The following IKZF5 variants were observed in gnomAD, a reference collection of about 807,000 sequenced individuals.
IKZF5 encodes IKAROS family zinc finger 5, also known as zinc finger protein Pegasus.
IKZF5 carries 4 observed loss-of-function variants against 30.7 expected under a neutral mutation model. The observed-to-expected ratio is 0.13, with a 90% CI of 0.06 to 0.30. IKZF5 has a LOEUF of 0.30. Among genes scored for constraint, IKZF5 ranks in the 10% least tolerant of loss-of-function variants. The pLI is 1.00. For missense variants in IKZF5, 348 were observed against 525.5 expected (o/e 0.66, Z 3.30); for synonymous variants, 148 against 179.6 (o/e 0.82, Z 1.41).
At chr10:123,003,806 G>C (rs184032634) in intron 2 of IKZF5, among the ~76,000 whole-genome samples, 2 of 152,138 alleles carry the variant, frequency 1.3e-5, no homozygotes, top group African/African-American at 2.4e-5. Context: ...TTCCACCTTA[G>C]TCTCAAGTAA....
In IKZF5 at chr10:122,993,747, C is replaced by A; in HGVS notation, c.*33G>T. On this transcript the variant is annotated 3_prime_UTR_variant, in exon 5 of 5. Transcript: ENST00000368886. ...AACAAAAAAAACCAAACCACAAAAACAGCAAAACTAAGTAAAATATGACTA... is the reference window on the plus strand; with the variant it reads ...AACAAAAAAAACCAAACCACAAAAAAAGCAAAACTAAGTAAAATATGACTA... 6.7e-7 allele frequency: 1 copy of A among 1,487,452 alleles called. No homozygotes were observed. Among genetic ancestry groups the A allele is most frequent in the Non-Finnish European group, 9.1e-7 (1 of 1,099,712 alleles). 92.1% of individuals were successfully genotyped at this position (1,487,452 alleles called of 1,614,324 possible). A position where few individuals can be genotyped will look rare whatever the true frequency, so the allele number is the denominator to read the frequency against.
At position 123,008,790 on chromosome 10, in the gene IKZF5, T is replaced by C; in HGVS notation, c.-294A>G. 1 of 612,432 alleles carries C rather than the reference T, an allele frequency of 1.6e-6. No homozygotes were observed. Among genetic ancestry groups the C allele is most frequent in the African/African-American group, 1.8e-5 (1 of 54,344 alleles). 37.9% of individuals were successfully genotyped at this position (612,432 alleles called of 1,614,324 possible). A position where few individuals can be genotyped will look rare whatever the true frequency, so the allele number is the denominator to read the frequency against. On this transcript the variant is annotated 5_prime_UTR_variant, in exon 1 of 5. Transcript: ENST00000368886. ...CCGTCACAGTCGCCGCCGCCATCTT[T>C]GTTGTGTCTCCGACTCCCTTCCCGC...
chr10:122,996,176 G>C lies in IKZF5; in HGVS notation c.134C>G (p.Ala45Gly). 4 of 1,611,148 alleles carry C rather than the reference G, an allele frequency of 2.5e-6. No individual in the cohort carries two copies. The highest frequency in any genetic ancestry group is 3.4e-6 in the Non-Finnish European group (4 of 1,178,908). ...TCCATTTTGATCACCATCTGTTCCA[G>C]CTATAAACAAAGTACCGCAAAAGAA... ...GDKEAEALQGAGTDGDQNGLD... is the reference protein window; with the variant it reads ...GDKEAEALQGGGTDGDQNGLD... The change falls in exon 4 of 5, where the codon GCT becomes GGT. Residue 45 changes from alanine to glycine, a missense_variant and splice_region_variant. Around this residue, in one of 4 missense-constraint regions of IKZF5, gnomAD observed 80 missense variants for 93.2 expected, o/e 0.86. Transcript: ENST00000368886.
At chr10:123,004,001 T>C (rs1321817913) in intron 2 of IKZF5, among the ~76,000 whole-genome samples, 2 of 152,222 alleles carry the variant, frequency 1.3e-5, no homozygotes, top group Non-Finnish European at 2.9e-5. Context: ...ATCATGTTTA[T>C]TTGAACTAGT....
At chr10:122,999,894 G>T (rs1046327320) in intron 2 of IKZF5, among the ~76,000 whole-genome samples, 2 of 152,012 alleles carry the variant, frequency 1.3e-5, no homozygotes, top group African/African-American at 4.8e-5. Flanking sequence ...TTTTCTTCCA[G>T]GAAAAACAAT....
chr10:123,007,122 T>G lies in IKZF5; in HGVS notation c.-143A>C, dbSNP rs1362700784. The G allele has an allele frequency of 6.6e-6, 1 of 152,166 alleles. No homozygotes were observed. The highest frequency in any genetic ancestry group is 2.4e-5 in the African/African-American group (1 of 41,424). 9.4% of individuals were successfully genotyped at this position (152,166 alleles called of 1,614,324 possible). On this transcript the variant is annotated 5_prime_UTR_variant, in exon 2 of 5. Transcript: ENST00000368886. ...TTACTTCGGAGATACAGCAAGGGACTCCAAAAGGCCATGGAGAGAGAATTT... is the reference window on the plus strand; with the variant it reads ...TTACTTCGGAGATACAGCAAGGGACGCCAAAAGGCCATGGAGAGAGAATTT...
In IKZF5 at chr10:122,992,584, T is replaced by C. The variant is rs1246081496; in HGVS notation, c.*1196A>G. The C allele has an allele frequency of 1.3e-5, 2 of 152,208 alleles. No homozygotes were observed. Among genetic ancestry groups the C allele is most frequent in the Non-Finnish European group, 2.9e-5 (2 of 68,018 alleles). 9.4% of individuals were successfully genotyped at this position (152,208 alleles called of 1,614,324 possible). On this transcript the variant is annotated 3_prime_UTR_variant, in exon 5 of 5. Coordinates refer to ENST00000368886, the MANE Select transcript of IKZF5 (RefSeq NM_001372123.1). ...GTCTTATTTTTATAAACAAATTAAA[T>C]GTCATGTTTAGATGCATTTTATATT...
chr10:123,005,804 C>A (rs1252743534), intron 2 of IKZF5, among the ~76,000 whole-genome samples: 1 of 152,172 alleles, frequency 6.6e-6, no homozygotes, highest in Non-Finnish European at 1.5e-5. Context: ...TCTGCTGGCA[C>A]CTTCATATTA....
chr10:123,002,202 TA>T (rs1307047892), intron 2 of IKZF5, among the ~76,000 whole-genome samples: 1 of 152,174 alleles, frequency 6.6e-6, no homozygotes, highest in Non-Finnish European at 1.5e-5. Context: ...TTTTAGAAGC[TA>T]CGGTAGTTCT....
At chr10:122,995,460 C>A (rs1387213995) in intron 4 of IKZF5, among the ~76,000 whole-genome samples, 1 of 151,834 alleles carries the variant, frequency 6.6e-6, no homozygotes, top group Non-Finnish European at 1.5e-5. Context: ...CCTCAAGAGG[C>A]TCTCAGGCTA....
intron 4 of IKZF5, 45 bp downstream of exon 4, chr10:122,995,949 C>G: frequency 2.5e-6 from 4 of 1,597,018 alleles, no homozygotes; most frequent in Non-Finnish European, 3.4e-6. Context: ...CTTGGCCCCT[C>G]TCCTGCCCTC....
chr10:122,994,824 A>C lies in IKZF5; in HGVS notation c.317-101T>G. 1.1e-6 allele frequency: 1 copy of C among 936,002 alleles called. No individual in the cohort carries two copies. The highest frequency in any genetic ancestry group is 1.6e-6 in the Non-Finnish European group (1 of 622,970). The allele number at this position is 936,002 out of a possible 1,614,324, so 58.0% of individuals were successfully genotyped here. A position where few individuals can be genotyped will look rare whatever the true frequency, so the allele number is the denominator to read the frequency against. ...GACAACTGGAAATTGATCAAAAAGA[A>C]AATGCTTTCAGAAAGTCATATTTGC... On this transcript the variant is annotated intron_variant, in intron 4 of 4. Transcript: ENST00000368886. This position sits in a 1 kb window ranked among gnomAD's most constrained non-coding sequence, Gnocchi z 5.6.
intron 4 of IKZF5, 96 bp downstream of exon 4, chr10:122,995,898 T>C: frequency 8.7e-7 from 1 of 1,155,552 alleles, no homozygotes. Flanking sequence ...CCTTCATTTT[T>C]GAATATTAAA....
rs182750862 is a variant in IKZF5 at position 122,992,492 on chromosome 10, C to G, written c.*1288G>C. ...GTTTGACCAAGCTCTCTTCAGAGTA[C>G]GTGAGTTATTACACAATATAAAAAC... On this transcript the variant is annotated 3_prime_UTR_variant, in exon 5 of 5. Coordinates refer to ENST00000368886, the MANE Select transcript of IKZF5 (RefSeq NM_001372123.1). The G allele has an allele frequency of 6.6e-5, 10 of 152,136 alleles. No homozygotes were observed. The highest frequency in any genetic ancestry group is 2.2e-4 in the African/African-American group (9 of 41,430). 9.4% of individuals were successfully genotyped at this position (152,136 alleles called of 1,614,324 possible). A position where few individuals can be genotyped will look rare whatever the true frequency, so the allele number is the denominator to read the frequency against.
At chr10:123,001,001 CTT>C (rs1564739053) in intron 2 of IKZF5, among the ~76,000 whole-genome samples, 1 of 150,354 alleles carries the variant, frequency 6.7e-6, no homozygotes, top group East Asian at 1.9e-4. Flanking sequence ...TTCGTTTTCT[CTT>C]CTTTTCTTTT....
At chr10:122,998,272 C>T (rs923408736) in intron 3 of IKZF5, 37 of 395,594 alleles carry the variant, frequency 9.4e-5, no homozygotes, top group Middle Eastern at 6.4e-4. Context: ...ATTTGGAGCC[C>T]CTAACCTTCC....
chr10:122,998,309 C>G (rs1849457715), intron 3 of IKZF5, 184 bp downstream of exon 3: 2 of 485,498 alleles, frequency 4.1e-6, no homozygotes, highest in African/African-American at 3.9e-5. Context: ...ATCTCCAGAC[C>G]ATGTTAAGTA....
Position 122,998,485 on chromosome 10 carries a change from G to A in IKZF5, c.133+8C>T. The A allele has an allele frequency of 6.2e-7, 1 of 1,603,324 alleles. No homozygotes were observed. On this transcript the variant is annotated splice_region_variant and intron_variant, in intron 3 of 4. Coordinates refer to ENST00000368886, the MANE Select transcript of IKZF5 (RefSeq NM_001372123.1). ...GTGAATTACTTAGTAGTATTAAAAT[G>A]AGTCTACCTCCCTGAAGAGCCTCTG...
At position 123,007,959 on chromosome 10, in the gene IKZF5, A is replaced by T. The variant is rs542002206; in HGVS notation, c.-198+735T>A. Among the ~76,000 whole-genome samples, 8 of 152,208 alleles carry T rather than the reference A, an allele frequency of 5.3e-5. No individual in the cohort carries two copies. The South Asian group carries it at 1.5e-3, about 28-fold the overall frequency. On this transcript the variant is annotated intron_variant, in intron 1 of 4. Transcript: ENST00000368886. ...ACGTCTTTCGGGTTCTGACCAGCAC[A>T]TCAAGGGGACTCTAAGCAGGCCACG...
Sources: gnomAD v4.1 joint callset for allele counts (sites outside exome capture counted in the v4.1 genomes callset) on GRCh38, gnomAD v4.1.1 for gene constraint, gnomAD v4.1.1 regional missense constraint, Gnocchi (gnomAD v3.1) non-coding constraint, MANE v1.5 for transcripts, NCBI Gene and HGNC (gene_info 2026-07-23, HGNC 2026-07-21) for gene names.